DHX16: variants seen among roughly 807,000 people sequenced by gnomAD.
DHX16 encodes DEAH-box helicase 16.
DHX16 carries 81 observed loss-of-function variants against 131.2 expected under a neutral mutation model. The ratio of observed to expected loss-of-function variants is 0.62; its 90% CI spans 0.52 to 0.74. The LOEUF is 0.74. DHX16 is among the 30% of genes least tolerant of loss of function. The probability of loss-of-function intolerance (pLI) is 0.00; values close to 1 mark genes in which losing one functional copy is unlikely to be tolerated. For synonymous variants in DHX16, 440 were observed against 520.2 expected (o/e 0.85, Z 2.10); for missense variants, 980 against 1,363.1 (o/e 0.72, Z 4.43).
Position 30,662,253 on chromosome 6 carries a change from G to A in DHX16, c.1544+374C>T, listed in dbSNP as rs994994423. ...CATGGCTCCTAGCTATGTCGTGTAG[G>A]GTCACATAAAACAATCTGATCCTTC... On this transcript the variant is annotated intron_variant, in intron 9 of 19. Coordinates refer to ENST00000376442, the MANE Select transcript of DHX16 (RefSeq NM_003587.5). The surrounding 1 kb of genome is among the most constrained non-coding windows in gnomAD (Gnocchi z 4.7). 2.6e-5 allele frequency among the ~76,000 whole-genome samples: 4 copies of A among 152,092 alleles called. No individual in the cohort carries two copies. Among genetic ancestry groups the A allele is most frequent in the African/African-American group, 7.2e-5 (3 of 41,420 alleles).
At chr6:30,666,271 CAG>C (rs1769036315) in intron 4 of DHX16, among the ~76,000 whole-genome samples, 1 of 152,210 alleles carries the variant, frequency 6.6e-6, no homozygotes, top group African/African-American at 2.4e-5. Flanking sequence ...ACTACAGCAT[CAG>C]AGTGTTTCTG....
intron 10 of DHX16, 96 bp downstream of exon 10, chr6:30,659,936 A>T: frequency 6.4e-7 from 1 of 1,555,184 alleles, no homozygotes; most frequent in Non-Finnish European, 8.8e-7. Context: ...TTCCCCTTTG[A>T]ACCTTCCATT....
chr6:30,662,855 CTGT>C lies in DHX16; in HGVS notation c.1428+53_1428+55del. 8 of 1,575,384 alleles carry C rather than the reference CTGT, an allele frequency of 5.1e-6. No homozygotes were observed. The highest frequency in any genetic ancestry group is 6.1e-6 in the Non-Finnish European group (7 of 1,147,172). ...CTTCTGCTGTAGGGACCTGAGGGAA[CTGT>C]AGACTGAGTCACAGACCCCAGACTC... On this transcript the variant is annotated intron_variant, in intron 8 of 19. Coordinates refer to ENST00000376442, the MANE Select transcript of DHX16 (RefSeq NM_003587.5). This position sits in a 1 kb window ranked among gnomAD's most constrained non-coding sequence, Gnocchi z 4.7.
intron 4 of DHX16, among the ~76,000 whole-genome samples, chr6:30,668,538 C>T (rs956702406): frequency 4.6e-5 from 7 of 152,098 alleles, no homozygotes; most frequent in Non-Finnish European, 8.8e-5. Flanking sequence ...GTAGTCCCAG[C>T]TGCTCGGGAG....
chr6:30,668,141 C>T (rs1769209645), intron 4 of DHX16, among the ~76,000 whole-genome samples: 1 of 152,110 alleles, frequency 6.6e-6, no homozygotes, highest in Admixed American at 6.5e-5. Context: ...ATATCTTTAT[C>T]CTTAGCAGGT....
chr6:30,657,118 C>T, intron 12 of DHX16, 26 bp from the exon 13 acceptor site: 3 of 1,589,104 alleles, frequency 1.9e-6, no homozygotes, highest in Non-Finnish European at 2.6e-6. Context: ...TGGGGTCACC[C>T]AGTGACCCCA....
intron 4 of DHX16, among the ~76,000 whole-genome samples, chr6:30,666,533 C>T (rs1002803774): frequency 6.6e-6 from 1 of 152,080 alleles, no homozygotes; most frequent in Non-Finnish European, 1.5e-5. Context: ...GCTGGGTGGG[C>T]GTGGTGACTC....
In DHX16 at chr6:30,670,662, A is replaced by T; in HGVS notation, c.609+128T>A. 1 of 1,362,666 alleles carries T rather than the reference A, an allele frequency of 7.3e-7. No individual in the cohort carries two copies. Among genetic ancestry groups the T allele is most frequent in the Non-Finnish European group, 1.0e-6 (1 of 983,894 alleles). 84.4% of individuals were successfully genotyped at this position (1,362,666 alleles called of 1,614,324 possible). On this transcript the variant is annotated intron_variant, in intron 3 of 19. Transcript: ENST00000376442. The surrounding 1 kb of genome is among the most constrained non-coding windows in gnomAD (Gnocchi z 4.4). ...CAGGATGCACAGGGCTTCTCTCACC[A>T]CAGAGGTGAACATCTCACTAGAGAC... is the stretch of plus-strand genomic sequence containing the variant.
intron 4 of DHX16, among the ~76,000 whole-genome samples, chr6:30,668,965 C>A (rs540274025): frequency 4.6e-5 from 7 of 151,988 alleles, no homozygotes; most frequent in Admixed American, 2.6e-4. Context: ...ATTAGCCAGG[C>A]GAGGTGGCTC....
rs776913795 is a variant in DHX16, at chr6:30,672,724, C to G, written c.118G>C (p.Ala40Pro). The part of the protein sequence containing the change: ...LIGTAQRCTS[A>P]EEFVQRLRDT... The stretch of plus-strand genomic sequence containing the variant: ...CGTAGGCGCTGCACGAACTCCTCGG[C>G]AGAGGTGCAGCGCTGTGCGGTACCG... Residue 40 changes from alanine to proline, a missense_variant, in exon 1 of 20, where the codon GCC (alanine) becomes CCC (proline). Ala to Pro is a conservative substitution (Grantham distance 27). This residue lies in a region of DHX16 where 457 missense variants were observed against 554.8 expected (regional missense o/e 0.82). Coordinates refer to ENST00000376442, the MANE Select transcript of DHX16 (RefSeq NM_003587.5). 6.2e-7 allele frequency: 1 copy of G among 1,613,072 alleles called. No individual in the cohort carries two copies. Among genetic ancestry groups the G allele is most frequent in the East Asian group, 2.2e-5 (1 of 44,876 alleles).
At chr6:30,659,683 G>T (rs868385219) in intron 11 of DHX16, 53 bp downstream of exon 11, 2 of 1,612,512 alleles carry the variant, frequency 1.2e-6, no homozygotes, top group African/African-American at 2.7e-5. Flanking sequence ...CCAACATGCC[G>T]GCCCTGTCTT....
At chr6:30,660,317 G>A (rs1287888964) in intron 9 of DHX16, 75 bp from the exon 10 acceptor site, 14 of 1,226,360 alleles carry the variant, frequency 1.1e-5, no homozygotes, top group Non-Finnish European at 1.6e-5. Context: ...TTAACTGGAT[G>A]AGAGGGGAGT....
intron 9 of DHX16, chr6:30,661,858 G>A (rs1419639381): frequency 1.4e-6 from 1 of 717,778 alleles, no homozygotes; most frequent in Non-Finnish European, 2.6e-6. Flanking sequence ...GCTCTCCATG[G>A]GTTCTTAGAG....
intron 9 of DHX16, 77 bp from the exon 10 acceptor site, chr6:30,660,319 G>A (rs1768389413): frequency 1.6e-6 from 2 of 1,219,358 alleles, no homozygotes; most frequent in Non-Finnish European, 1.1e-6. Context: ...AACTGGATGA[G>A]AGGGGAGTAA....
chr6:30,665,240 G>C lies in DHX16; in HGVS notation c.956C>G (p.Ser319Ter). 1 of 1,604,938 alleles carries C rather than the reference G, an allele frequency of 6.2e-7. No homozygotes were observed. Among genetic ancestry groups the C allele is most frequent in the Non-Finnish European group, 8.5e-7 (1 of 1,179,762 alleles). ...CCGCTGCTCCTCCCCAGGGGCTCCT[G>C]ATTCCTCCTCCACTAGATCCACAGC... ...ARAVDLVEEE[S>*]GAPGEEQRRW... is the part of the protein sequence containing the mutation. Residue 319 changes from serine (S) to a stop codon, truncating the protein, a stop_gained, in exon 6 of 20, where the codon TCA (serine) becomes TGA (stop). Coordinates refer to ENST00000376442, the MANE Select transcript of DHX16 (RefSeq NM_003587.5). LOFTEE classifies it high-confidence loss of function. The surrounding 1 kb of genome is among the most constrained non-coding windows in gnomAD (Gnocchi z 4.8).
intron 1 of DHX16, among the ~76,000 whole-genome samples, chr6:30,671,600 C>T (rs1769561792): frequency 2.6e-5 from 4 of 152,248 alleles, no homozygotes; most frequent in African/African-American, 9.6e-5. Context: ...TCACCTCAGC[C>T]TCCCAAAGTG....
intron 10 of DHX16, 31 bp downstream of exon 10, chr6:30,660,001 A>G (rs767876352): frequency 2.5e-6 from 4 of 1,605,674 alleles, no homozygotes; most frequent in Non-Finnish European, 3.4e-6. Flanking sequence ...TTTCTGCCAC[A>G]GACTTAAGCC....
At position 30,665,723 on chromosome 6, in the gene DHX16, A is replaced by G; in HGVS notation, c.677T>C (p.Leu226Pro). Residue 226 changes from leucine to proline, a missense_variant, in exon 5 of 20, where the codon CTG becomes CCG. Around this residue, in one of 3 missense-constraint regions of DHX16, gnomAD observed 457 missense variants for 554.8 expected, o/e 0.82. Transcript: ENST00000376442. The surrounding 1 kb of genome is among the most constrained non-coding windows in gnomAD (Gnocchi z 4.8). ...GTACTCTCGGCGAGATTTCTTCCGC[A>G]GCTCAGGGACCTGAGTTGGGAAAGG... ...EEDRKAMVPE[L>P]RKKSRREYLA... 1 of 1,609,608 alleles carries G rather than the reference A, an allele frequency of 6.2e-7. No individual in the cohort carries two copies. Among genetic ancestry groups the G allele is most frequent in the Non-Finnish European group, 8.5e-7 (1 of 1,179,952 alleles).
chr6:30,664,655 G>A, intron 7 of DHX16, 146 bp downstream of exon 7: 2 of 711,282 alleles, frequency 2.8e-6, no homozygotes, highest in Non-Finnish European at 4.6e-6. Context: ...TGTGAAAAGG[G>A]TATGGTCTTT....
Sources: allele counts gnomAD v4.1 joint callset (sites outside exome capture counted in the v4.1 genomes callset), GRCh38; gene constraint gnomAD v4.1.1; regional missense constraint gnomAD v4.1.1; non-coding constraint Gnocchi (gnomAD v3.1); transcripts MANE v1.5; gene names NCBI Gene and HGNC (gene_info 2026-07-23, HGNC 2026-07-21).